Variants in CHL1 observed in about 807,000 individuals in gnomAD.
CHL1 encodes the protein cell adhesion molecule L1 like.
CHL1 carries 96 observed loss-of-function variants against 141.9 expected under a neutral mutation model. The ratio of observed to expected loss-of-function variants is 0.68; its 90% confidence interval spans 0.57 to 0.80. CHL1 has a LOEUF of 0.80. CHL1 is among the 30% of genes least tolerant of loss of function. CHL1 has a pLI of 0.00. For missense variants in CHL1, 1,820 were observed against 1,457.2 expected (o/e 1.25, Z -4.05); for synonymous variants, 613 against 502.2 (o/e 1.22, Z -2.95).
At chr3:292,767 G>C (rs960457932) in intron 2 of CHL1, among the ~76,000 whole-genome samples, 1 of 152,182 alleles carries the variant, frequency 6.6e-6, no homozygotes, top group Non-Finnish European at 1.5e-5. Context: ...CACATGGCCA[G>C]AGCAGGAGCA....
intron 24 of CHL1, among the ~76,000 whole-genome samples, chr3:395,188 G>A (rs1272971813): frequency 6.6e-6 from 1 of 152,160 alleles, no homozygotes; most frequent in South Asian, 2.1e-4. Context: ...TATTCAAAAG[G>A]TTAGTAAAGG....
intron 5 of CHL1, among the ~76,000 whole-genome samples, chr3:328,993 T>C (rs1372411557): frequency 6.6e-6 from 1 of 152,170 alleles, no homozygotes; most frequent in Non-Finnish European, 1.5e-5. Flanking sequence ...AAACAGCTAT[T>C]GGTAATGTTA....
At chr3:387,065 A>C (rs2125423609) in intron 19 of CHL1, among the ~76,000 whole-genome samples, 1 of 152,352 alleles carries the variant, frequency 6.6e-6, no homozygotes, top group Admixed American at 6.5e-5. Context: ...TAAAAAATGG[A>C]ATCAAGGCAG....
chr3:272,360 T>A (rs944801417), intron 2 of CHL1, among the ~76,000 whole-genome samples: 1 of 152,214 alleles, frequency 6.6e-6, no homozygotes, highest in Admixed American at 6.5e-5. Flanking sequence ...GATTTTATAG[T>A]CTTTTTCCAG....
rs145123843 is a variant in CHL1, at chr3:367,731, A to G, written c.1751+1616A>G. Among the ~76,000 whole-genome samples the G allele has an allele frequency of 5.4e-4, 82 of 152,306 alleles. 1 individual carries two copies. The East Asian group carries it at 0.013, about 25-fold the overall frequency. On this transcript the variant is annotated intron_variant, in intron 15 of 27. Transcript: ENST00000256509. ...GAACATGCAGATTTGTTACATAGGT[A>G]TACATGTGCCATGATGGTTTGCTGC...
intron 2 of CHL1, among the ~76,000 whole-genome samples, chr3:250,880 T>C (rs535237900): frequency 1.3e-5 from 2 of 152,144 alleles, no homozygotes; most frequent in Admixed American, 6.6e-5. Context: ...TATTAGTTTG[T>C]AGGAATTAAG....
At chr3:272,413 C>T (rs1475342034) in intron 2 of CHL1, among the ~76,000 whole-genome samples, 1 of 152,100 alleles carries the variant, frequency 6.6e-6, no homozygotes. Context: ...TCATCAATTT[C>T]AAGTCTACTT....
rs1309341358 is a variant in CHL1 at position 337,335 on chromosome 3, C to T, written c.386-3459C>T. 9.4e-5 allele frequency among the ~76,000 whole-genome samples: 14 copies of T among 148,758 alleles called. No homozygotes were observed. The South Asian group carries it at 1.7e-3, about 18-fold the overall frequency. On this transcript the variant is annotated intron_variant, in intron 5 of 27. Coordinates refer to ENST00000256509, the MANE Select transcript of CHL1 (RefSeq NM_006614.4). ...CCTCCCGAGTAGCTGGGACCACAGG[C>T]GCCCGCCACCACGCCCGGCTAATTT...
At chr3:315,722 A>G (rs1700107818) in intron 2 of CHL1, among the ~76,000 whole-genome samples, 1 of 152,122 alleles carries the variant, frequency 6.6e-6, no homozygotes. Flanking sequence ...GTCGTACTGG[A>G]GAACCTGAGG....
In CHL1 at chr3:242,483, C is replaced by G. The variant is rs531476946; in HGVS notation, c.-174-2130C>G. ...TGGTGGTGGGCGCCTGTAGTCCCAG[C>G]TACCTGGGAGGCTGAGGCAGGAGAA... On this transcript the variant is annotated intron_variant, in intron 1 of 27. Coordinates refer to ENST00000256509, the MANE Select transcript of CHL1 (RefSeq NM_006614.4). 6.8e-3 allele frequency among the ~76,000 whole-genome samples: 1,026 copies of G among 150,010 alleles called. 2 individuals are homozygous for G. Among genetic ancestry groups the G allele is most frequent in the Non-Finnish European group, 0.01 (683 of 67,048 alleles).
chr3:265,435 T>C (rs1380167973), intron 2 of CHL1, among the ~76,000 whole-genome samples: 1 of 152,248 alleles, frequency 6.6e-6, no homozygotes, highest in Non-Finnish European at 1.5e-5. Context: ...CTGATCACTG[T>C]AACTCAAATA....
At chr3:331,543 G>A (rs1692503104) in intron 5 of CHL1, among the ~76,000 whole-genome samples, 1 of 151,932 alleles carries the variant, frequency 6.6e-6, no homozygotes, top group Admixed American at 6.6e-5. Flanking sequence ...TGCCCAGTGT[G>A]GGATGATTTC....
chr3:366,481 A>G (rs1352539536), intron 15 of CHL1, among the ~76,000 whole-genome samples: 2 of 152,082 alleles, frequency 1.3e-5, no homozygotes, highest in Non-Finnish European at 2.9e-5. Context: ...AAAAAAAAAA[A>G]AAAAGTTCTT....
At chr3:322,329 A>G (rs1002411837) in intron 3 of CHL1, among the ~76,000 whole-genome samples, 1 of 151,998 alleles carries the variant, frequency 6.6e-6, no homozygotes. Flanking sequence ...ATAGAAAAAA[A>G]TTAGAGTTTG....
intron 2 of CHL1, among the ~76,000 whole-genome samples, chr3:303,139 C>T (rs541395624): frequency 2.0e-4 from 30 of 152,262 alleles, no homozygotes; most frequent in African/African-American, 7.0e-4. Context: ...GTTTTGGTTA[C>T]TGTAGACTTG....
intron 1 of CHL1, among the ~76,000 whole-genome samples, chr3:233,503 T>C (rs1251036307): frequency 1.3e-5 from 2 of 152,186 alleles, no homozygotes; most frequent in Non-Finnish European, 2.9e-5. Context: ...TAAAAAAATG[T>C]AACGCATGAT....
chr3:305,988 T>A (rs184621909), intron 2 of CHL1, among the ~76,000 whole-genome samples: 1 of 152,294 alleles, frequency 6.6e-6, no homozygotes, highest in East Asian at 1.9e-4. Context: ...AACTGCACAT[T>A]ATATCCAGAA....
chr3:280,054 A>G (rs1445578033), intron 2 of CHL1, among the ~76,000 whole-genome samples: 2 of 152,214 alleles, frequency 1.3e-5, no homozygotes, highest in African/African-American at 4.8e-5. Context: ...ATTATCTGAA[A>G]AGAAAATAAA....
chr3:287,166 T>C (rs1041641073), intron 2 of CHL1, among the ~76,000 whole-genome samples: 1 of 152,076 alleles, frequency 6.6e-6, no homozygotes, highest in Non-Finnish European at 1.5e-5. Flanking sequence ...CATTTATACT[T>C]TTCACATATG....
Sources: allele counts gnomAD v4.1 joint callset (sites outside exome capture counted in the v4.1 genomes callset), GRCh38; gene constraint gnomAD v4.1.1; transcripts MANE v1.5; gene names NCBI Gene and HGNC (gene_info 2026-07-23, HGNC 2026-07-21).